Variants in RIMS2 observed in about 807,000 individuals in gnomAD.
RIMS2 encodes regulating synaptic membrane exocytosis protein 2.
A neutral mutation model predicts 174.4 loss-of-function variants in RIMS2; 59 were observed. That is an observed-to-expected ratio of 0.34 (90% CI 0.27 to 0.42). The LOEUF (loss-of-function observed/expected upper bound fraction) is 0.42, where lower values mean the gene tolerates loss of function less well. RIMS2 is among the 10% of genes least tolerant of loss of function. RIMS2 has a pLI of 1.00. For synonymous variants in RIMS2, 606 were observed against 572.5 expected (o/e 1.06, Z -0.84); for missense variants, 1,620 against 1,666.3 (o/e 0.97, Z 0.48).
Position 104,156,107 on chromosome 8 carries a change from C to T in RIMS2, c.3335-88809C>T, listed in dbSNP as rs370301399. ...TACTGTATTTACCTAACATACATTACCTGCTGTAATATATACAAACCCTGA... is the reference window on the plus strand; with the variant it reads ...TACTGTATTTACCTAACATACATTATCTGCTGTAATATATACAAACCCTGA... On this transcript the variant is annotated intron_variant, in intron 19 of 23. Coordinates refer to ENST00000504942, the Ensembl canonical transcript of RIMS2. 3.3e-5 allele frequency among the ~76,000 whole-genome samples: 5 copies of T among 152,180 alleles called. No homozygotes were observed. The South Asian group carries it at 8.3e-4, about 25-fold the overall frequency.
chr8:103,738,512 A>G (rs993417617), intron 2 of RIMS2, among the ~76,000 whole-genome samples: 211 of 152,344 alleles, frequency 1.4e-3, no homozygotes, highest in African/African-American at 4.9e-3. Context: ...CAATAGCAAC[A>G]AAAGCCAAAA....
At chr8:103,951,108 A>G (rs1035716113) in intron 14 of RIMS2, among the ~76,000 whole-genome samples, 5 of 152,232 alleles carry the variant, frequency 3.3e-5, no homozygotes, top group Admixed American at 6.5e-5. Context: ...ATCAAAACTA[A>G]ATACAAAAAT....
intron 19 of RIMS2, among the ~76,000 whole-genome samples, chr8:104,108,603 G>A (rs2098121284): frequency 6.6e-6 from 1 of 151,894 alleles, no homozygotes; most frequent in South Asian, 2.1e-4. Context: ...CCAGCCTTTT[G>A]TTACCTTTTC....
At chr8:104,055,726 A>G (rs765036822) in intron 19 of RIMS2, among the ~76,000 whole-genome samples, 7 of 152,240 alleles carry the variant, frequency 4.6e-5, no homozygotes, top group Non-Finnish European at 1.0e-4. Flanking sequence ...AAAGAAATGT[A>G]TATAGTGAAG....
intron 19 of RIMS2, among the ~76,000 whole-genome samples, chr8:104,114,113 A>G (rs2098241739): frequency 6.6e-6 from 1 of 152,056 alleles, no homozygotes; most frequent in Non-Finnish European, 1.5e-5. Flanking sequence ...AATTTTTGTC[A>G]ATGTTATTTG....
intron 1 of RIMS2, among the ~76,000 whole-genome samples, chr8:103,588,254 C>G (rs2094071735): frequency 6.6e-6 from 1 of 151,850 alleles, no homozygotes; most frequent in African/African-American, 2.4e-5. Flanking sequence ...TTAAAGAGGA[C>G]ACCAAAAAAT....
At chr8:103,715,273 T>C (rs2138151283) in intron 2 of RIMS2, among the ~76,000 whole-genome samples, 1 of 152,310 alleles carries the variant, frequency 6.6e-6, no homozygotes, top group Non-Finnish European at 1.5e-5. Flanking sequence ...ACCTAGGTAT[T>C]AAGCCCAGCA....
chr8:103,921,002 G>GCAACAACAACAA (rs112922890), intron 9 of RIMS2: 72 of 197,028 alleles, frequency 3.7e-4, no homozygotes, highest in East Asian at 8.3e-4. Context: ...CTGTCTCAAA[G>GCAACAACAACAA]CAACAACAAC....
intron 19 of RIMS2, among the ~76,000 whole-genome samples, chr8:104,204,311 T>A (rs2099069550): frequency 6.6e-6 from 1 of 152,238 alleles, no homozygotes. Context: ...CACATTATAA[T>A]CATGAAGTAA....
At chr8:103,756,898 A>G (rs1250808125) in intron 2 of RIMS2, among the ~76,000 whole-genome samples, 2 of 152,008 alleles carry the variant, frequency 1.3e-5, no homozygotes, top group African/African-American at 2.4e-5. Context: ...ATTTTCTGTC[A>G]TAATCAAATG....
intron 13 of RIMS2, among the ~76,000 whole-genome samples, chr8:103,942,333 T>C (rs911904477): frequency 6.6e-6 from 1 of 152,186 alleles, no homozygotes; most frequent in African/African-American, 2.4e-5. Context: ...TCTTGTTCTT[T>C]TTTATGGCTG....
At chr8:103,582,000 A>T (rs527529520) in intron 1 of RIMS2, among the ~76,000 whole-genome samples, 2 of 152,332 alleles carry the variant, frequency 1.3e-5, no homozygotes, top group East Asian at 3.9e-4. Context: ...CAGGCTACAC[A>T]GCTTGTGGCT....
intron 1 of RIMS2, among the ~76,000 whole-genome samples, chr8:103,647,538 G>A (rs2096364086): frequency 1.3e-5 from 2 of 152,112 alleles, no homozygotes; most frequent in Admixed American, 6.5e-5. Context: ...ATTCAGTTGT[G>A]AATCCATCTC....
intron 1 of RIMS2, among the ~76,000 whole-genome samples, chr8:103,539,760 C>A (rs1009945180): frequency 1.3e-5 from 2 of 152,230 alleles, no homozygotes; most frequent in Non-Finnish European, 2.9e-5. Context: ...TCCTCTCTTC[C>A]AACCCTGCCT....
chr8:103,971,411 T>C (rs2092858193), intron 15 of RIMS2, among the ~76,000 whole-genome samples: 1 of 152,174 alleles, frequency 6.6e-6, no homozygotes. Flanking sequence ...GATCTCTTTA[T>C]AAATGACTTT....
chr8:103,829,563 A>G (rs1175264056), intron 3 of RIMS2, among the ~76,000 whole-genome samples: 1 of 152,192 alleles, frequency 6.6e-6, no homozygotes, highest in Non-Finnish European at 1.5e-5. Context: ...GCAGCAACAT[A>G]GATCGAGTTG....
At chr8:104,186,627 C>T (rs545715433) in intron 19 of RIMS2, among the ~76,000 whole-genome samples, 1 of 151,702 alleles carries the variant, frequency 6.6e-6, no homozygotes, top group Non-Finnish European at 1.5e-5. Context: ...CTCTCCATAG[C>T]CCTTCATGTT....
chr8:103,905,645 C>A (rs564706099), intron 4 of RIMS2, among the ~76,000 whole-genome samples: 1 of 134,996 alleles, frequency 7.4e-6, no homozygotes, highest in Admixed American at 7.3e-5. Context: ...AATTTTCAGT[C>A]TTTATTTCTT....
rs189484753 is a variant in RIMS2, at chr8:103,655,574, T to C, written c.177-41512T>C. 5.3e-4 allele frequency among the ~76,000 whole-genome samples: 81 copies of C among 152,262 alleles called. 2 individuals are homozygous for C. In the East Asian group the frequency reaches 0.014, roughly 26 times the overall value. On this transcript the variant is annotated intron_variant, in intron 1 of 23. Transcript: ENST00000504942. ...TTTTGCTATGATTAATAAATGTACT[T>C]TTGAAATACTAGAGAAATCTAAAAT...
Sources: allele counts gnomAD v4.1 joint callset (sites outside exome capture counted in the v4.1 genomes callset), GRCh38; gene constraint gnomAD v4.1.1; transcripts MANE v1.5; gene names NCBI Gene and HGNC (gene_info 2026-07-23, HGNC 2026-07-21).